Variants in COL12A1 observed in about 807,000 individuals in gnomAD.
The protein encoded by COL12A1 is collagen alpha-1(XII) chain.
Under a neutral mutation model 349.7 loss-of-function variants are expected in COL12A1, and 114 were observed. The observed-to-expected ratio is 0.33, with a 90% CI of 0.28 to 0.38. COL12A1 has a LOEUF of 0.38. COL12A1 is among the 10% of genes least tolerant of loss of function. COL12A1 has a pLI of 1.00. For synonymous variants in COL12A1, 1,369 were observed against 1,329.0 expected (o/e 1.03, Z -0.66); for missense variants, 3,284 against 3,756.9 (o/e 0.87, Z 3.29).
chr6:75,162,248 C>T (rs7774649), intron 14 of COL12A1, among the ~76,000 whole-genome samples: 7,173 of 152,224 alleles, frequency 0.047, 237 homozygotes, highest in South Asian at 0.1. Flanking sequence ...TGAATTCAAA[C>T]TATACTAGAA....
In COL12A1 at chr6:75,177,591, G is replaced by T. The variant is rs1188564599; in HGVS notation, c.2437+72C>A. 2.6e-5 allele frequency: 41 copies of T among 1,566,850 alleles called. No individual in the cohort carries two copies. The East Asian group carries it at 7.8e-4, about 30-fold the overall frequency. ...AAGTGTCTCATTAGTTTTTTATCTG[G>T]ATAGTTGTCCCAATTTTCCCCTCTA... On this transcript the variant is annotated intron_variant, in intron 12 of 65. Transcript: ENST00000322507.
rs1158139217 is a variant in COL12A1, at chr6:75,104,381, C to A, written c.8266-571G>T. On this transcript the variant is annotated intron_variant, in intron 54 of 65. Transcript: ENST00000322507. ...GTTACTAGAAAAAAAGAATGGTAAC[C>A]CCAGTGACATTTTGATTCTATATAT... Among the ~76,000 whole-genome samples the A allele has an allele frequency of 5.3e-5, 8 of 152,144 alleles. No homozygotes were observed. The South Asian group carries it at 1.2e-3, about 24-fold the overall frequency.
chr6:75,202,965 G>C (rs1347129440), intron 1 of COL12A1, 138 bp from the exon 2 acceptor site: 1 of 583,192 alleles, frequency 1.7e-6, no homozygotes, highest in East Asian at 2.8e-5. Flanking sequence ...GCACATAATG[G>C]GCCTATTGTG....
intron 58 of COL12A1, among the ~76,000 whole-genome samples, chr6:75,098,787 T>C (rs1212273791): frequency 2.6e-5 from 4 of 152,206 alleles, no homozygotes; most frequent in Non-Finnish European, 4.4e-5. Flanking sequence ...AGGCCAGAAC[T>C]GCCTAAGCAT....
At chr6:75,101,756 G>A (rs903157689) in intron 57 of COL12A1, 103 bp from the exon 58 acceptor site, 6 of 1,308,342 alleles carry the variant, frequency 4.6e-6, no homozygotes, top group Non-Finnish European at 5.3e-6. Context: ...CAGAGACTCT[G>A]AATAGAAACA....
rs950183598 is a variant in COL12A1 at position 75,138,458 on chromosome 6, A to G, written c.5220T>C (p.Ser1740=). 1.2e-6 allele frequency: 2 copies of G among 1,613,590 alleles called. No individual in the cohort carries two copies. Reference sequence around the variant, plus strand: ...AAGCTAAACACCTACGTGTGCGCTCACTGCCAATCAGGTCATCACTTTCTG... The same window carrying G: ...AAGCTAAACACCTACGTGTGCGCTCGCTGCCAATCAGGTCATCACTTTCTG... ...DESESDDLIG[S]ERTLPILTTQ... The change falls in exon 29 of 66, where the codon AGT becomes AGC. Residue 1740 remains serine, a synonymous_variant. Coordinates refer to ENST00000322507, the MANE Select transcript of COL12A1 (RefSeq NM_004370.6).
chr6:75,103,666 G>T (rs1272743895), intron 55 of COL12A1, 91 bp downstream of exon 55: 10 of 1,038,608 alleles, frequency 9.6e-6, no homozygotes, highest in Non-Finnish European at 1.5e-5. Context: ...GAGCTGACTT[G>T]CTCAAGATCA....
At chr6:75,176,391 G>T (rs958053837) in intron 12 of COL12A1, among the ~76,000 whole-genome samples, 1 of 151,164 alleles carries the variant, frequency 6.6e-6, no homozygotes, top group East Asian at 2.0e-4. Context: ...TGATGCAGTG[G>T]GAGGTGGGAG....
At position 75,119,149 on chromosome 6, in the gene COL12A1, A is replaced by C. The variant is rs1769230013; in HGVS notation, c.7248T>G (p.Thr2416=). 1.2e-6 allele frequency: 2 copies of C among 1,613,828 alleles called. No individual in the cohort carries two copies. The highest frequency in any genetic ancestry group is 1.7e-6 in the Non-Finnish European group (2 of 1,179,916). ...CATTCTTCCTCATGCCGCTCTCCCA[A>C]GTCAAGACTTTCTCCTTGATAAACG... is the stretch of plus-strand genomic sequence containing the variant. ...ALTFIKEKVL[T]WESGMRKNVP... Residue 2416 remains threonine, a synonymous_variant, in exon 46 of 66, where the codon ACT becomes ACG. Transcript: ENST00000322507.
At chr6:75,145,285 C>T in intron 25 of COL12A1, 41 bp downstream of exon 25, 1 of 1,512,224 alleles carries the variant, frequency 6.6e-7, no homozygotes, top group South Asian at 1.4e-5. Flanking sequence ...ACATTATGCT[C>T]ACAGCAATAA....
At chr6:75,098,643 A>C (rs1405892371) in intron 58 of COL12A1, among the ~76,000 whole-genome samples, 30 of 152,168 alleles carry the variant, frequency 2.0e-4, no homozygotes, top group Admixed American at 1.8e-3. Context: ...TGGGTGACAC[A>C]GTGGGACCCT....
intron 23 of COL12A1, among the ~76,000 whole-genome samples, chr6:75,147,338 C>A (rs567457181): frequency 1.3e-5 from 2 of 152,222 alleles, no homozygotes; most frequent in African/African-American, 4.8e-5. Flanking sequence ...GTAAAATTAT[C>A]CCCCTGAAAG....
At chr6:75,145,611 CTTTT>C (rs56698330) in intron 24 of COL12A1, among the ~76,000 whole-genome samples, 156 bp from the exon 25 acceptor site, 1 of 121,180 alleles carries the variant, frequency 8.3e-6, no homozygotes, top group African/African-American at 3.1e-5. Context: ...CTGATGTTTT[CTTTT>C]TTTTTTTTTT....
rs1768348308 is a variant in COL12A1 at position 75,102,445 on chromosome 6, AAAAT to A, written c.8415+148_8415+151del. 7.8e-6 allele frequency: 4 copies of A among 514,132 alleles called. No homozygotes were observed. In the African/African-American group the frequency reaches 7.9e-5, roughly 10 times the overall value. The allele number at this position is 514,132 out of a possible 1,614,324, so 31.8% of individuals were successfully genotyped here. ...TATTACATAGTCTATTTACGTATCTAAAATAACAGTCATCATAGAGGCTGCTATC... is the reference window on the plus strand; with the variant it reads ...TATTACATAGTCTATTTACGTATCTAAACAGTCATCATAGAGGCTGCTATC... On this transcript the variant is annotated intron_variant, in intron 56 of 65. Transcript: ENST00000322507.
Position 75,183,932 on chromosome 6 carries a change from C to T in COL12A1, c.1210G>A (p.Val404Ile), listed in dbSNP as rs946425531. ...GATGTCATTCCCTTCATGGCGGAAA[C>T]ACTGATCTGGTATTCTGTGTCTGCT... ...LSADTEYQIS[V>I]SAMKGMTSSE... Residue 404 changes from valine (V) to isoleucine (I), a missense_variant, in exon 9 of 66, where the codon GTT becomes ATT. Val to Ile is a conservative substitution (Grantham distance 29). Coordinates refer to ENST00000322507, the MANE Select transcript of COL12A1 (RefSeq NM_004370.6). The T allele has an allele frequency of 1.2e-6, 2 of 1,614,026 alleles. No homozygotes were observed. Among genetic ancestry groups the T allele is most frequent in the African/African-American group, 2.7e-5 (2 of 74,908 alleles).
intron 59 of COL12A1, 27 bp from the exon 60 acceptor site, chr6:75,095,206 C>G (rs770256745): frequency 6.3e-7 from 1 of 1,575,686 alleles, no homozygotes; most frequent in Non-Finnish European, 8.7e-7. Flanking sequence ...GGGAAGGGGA[C>G]TGTTATGACA....
At position 75,142,170 on chromosome 6, in the gene COL12A1, G is replaced by A. The variant is rs1482608160; in HGVS notation, c.4828-9C>T. 1.2e-5 allele frequency: 20 copies of A among 1,613,938 alleles called. 1 individual carries two copies. In the East Asian group the frequency reaches 4.5e-4, roughly 36 times the overall value. ...GATCTGTCCACCTCTACCTATAACA[G>A]TAACAGAGCAGTGGAACTACTTTTA... On this transcript the variant is annotated splice_polypyrimidine_tract_variant and intron_variant, in intron 26 of 65. Transcript: ENST00000322507.
chr6:75,177,593 T>C (rs2149456367), intron 12 of COL12A1, 70 bp downstream of exon 12: 1 of 1,569,168 alleles, frequency 6.4e-7, no homozygotes, highest in Non-Finnish European at 8.8e-7. Context: ...TTTATCTGGA[T>C]AGTTGTCCCA....
At chr6:75,192,504 C>A (rs1309093438) in intron 3 of COL12A1, 149 bp from the exon 4 acceptor site, 3 of 629,102 alleles carry the variant, frequency 4.8e-6, no homozygotes, top group African/African-American at 1.9e-5. Context: ...TTACTGCCTT[C>A]CAAAACTAAA....
Sources: allele counts gnomAD v4.1 joint callset (sites outside exome capture counted in the v4.1 genomes callset), GRCh38; gene constraint gnomAD v4.1.1; transcripts MANE v1.5; gene names NCBI Gene and HGNC (gene_info 2026-07-23, HGNC 2026-07-21).